Variants in PACSIN1 observed in about 807,000 individuals in gnomAD.
PACSIN1 encodes the protein protein kinase C and casein kinase substrate in neurons protein 1.
PACSIN1 carries 15 observed loss-of-function variants against 59.5 expected under a neutral mutation model. That is an observed-to-expected ratio of 0.25 (90% CI 0.17 to 0.39). The LOEUF (loss-of-function observed/expected upper bound fraction) is 0.39. Ranked by LOEUF, PACSIN1 falls within the 10% of genes least tolerant of loss-of-function variation. The pLI, the probability that PACSIN1 is intolerant of heterozygous loss-of-function variation, is 1.00. For missense variants in PACSIN1, 420 were observed against 580.2 expected, an observed-to-expected ratio of 0.72 and a Z score of 2.84; for synonymous variants, 210 against 220.6, an observed-to-expected ratio of 0.95 and a Z score of 0.42.
Position 34,532,537 on chromosome 6 carries a change from CCTCCCTCCATA to C in PACSIN1, c.*13_*23del. 6.7e-7 allele frequency: 1 copy of C among 1,488,566 alleles called. No individual in the cohort carries two copies. Among genetic ancestry groups the C allele is most frequent in the Non-Finnish European group, 9.0e-7 (1 of 1,106,562 alleles). The allele number at this position is 1,488,566 out of a possible 1,614,324, so 92.2% of individuals were successfully genotyped here. ...CTACGTGGAGGCTATCTAGAGGCCC[CCTCCCTCCATA>C]CTCCCGTCACTCCTCCCCACTGCCG... On this transcript the variant is annotated 3_prime_UTR_variant, in exon 10 of 10. Transcript: ENST00000244458. This position sits in a 1 kb window ranked among gnomAD's most constrained non-coding sequence, Gnocchi z 5.2.
chr6:34,515,870 G>A lies in PACSIN1; in HGVS notation c.-63-10373G>A, dbSNP rs924913971. Reference sequence around the variant, plus strand: ...AGCTCTTGGGCACTGCCACTGCGGAGGAGCCTCTGCCAGCTGCTCAGGAGG... The same window carrying A: ...AGCTCTTGGGCACTGCCACTGCGGAAGAGCCTCTGCCAGCTGCTCAGGAGG... On this transcript the variant is annotated intron_variant, in intron 1 of 9. Transcript: ENST00000244458. This position sits in a 1 kb window ranked among gnomAD's most constrained non-coding sequence, Gnocchi z 4.4. 3.9e-5 allele frequency among the ~76,000 whole-genome samples: 6 copies of A among 152,136 alleles called. No homozygotes were observed. The highest frequency in any genetic ancestry group is 7.4e-5 in the Non-Finnish European group (5 of 68,014).
At chr6:34,479,821 T>C (rs1766690091) in intron 1 of PACSIN1, among the ~76,000 whole-genome samples, 1 of 151,750 alleles carries the variant, frequency 6.6e-6, no homozygotes, top group Non-Finnish European at 1.5e-5. Context: ...TTATTTTTAA[T>C]TTTATTATTA....
intron 1 of PACSIN1, among the ~76,000 whole-genome samples, chr6:34,472,330 A>G (rs1023319395): frequency 6.6e-6 from 1 of 150,842 alleles, no homozygotes; most frequent in Non-Finnish European, 1.5e-5. Context: ...TTTTTAAAGT[A>G]CATGTACATA....
chr6:34,475,329 A>G (rs994466551), intron 1 of PACSIN1, among the ~76,000 whole-genome samples: 1 of 152,060 alleles, frequency 6.6e-6, no homozygotes, highest in Non-Finnish European at 1.5e-5. Flanking sequence ...AAAAAAACAC[A>G]TATTTGTGCC....
chr6:34,509,534 T>C (rs1561964819), intron 1 of PACSIN1, among the ~76,000 whole-genome samples: 1 of 152,198 alleles, frequency 6.6e-6, no homozygotes, highest in Non-Finnish European at 1.5e-5. Context: ...CTCAATATTT[T>C]TTGGCTATTT....
At chr6:34,528,919 G>A (rs772099763) in intron 4 of PACSIN1, 42 bp downstream of exon 4, 32 of 1,377,418 alleles carry the variant, frequency 2.3e-5, no homozygotes, top group African/African-American at 1.0e-4. Flanking sequence ...GGGTGGGCCC[G>A]TCTGATCAGA....
chr6:34,495,036 A>C (rs1277479848), intron 1 of PACSIN1, among the ~76,000 whole-genome samples: 1 of 152,156 alleles, frequency 6.6e-6, no homozygotes, highest in Non-Finnish European at 1.5e-5. Context: ...CTCTCTCAGA[A>C]GCACCTCTAT....
intron 1 of PACSIN1, among the ~76,000 whole-genome samples, chr6:34,471,955 C>G (rs567393993): frequency 6.6e-6 from 1 of 152,262 alleles, no homozygotes; most frequent in South Asian, 2.1e-4. Flanking sequence ...CTTGGGGACA[C>G]TGAGACAAGA....
chr6:34,510,606 C>G lies in PACSIN1; in HGVS notation c.-63-15637C>G, dbSNP rs185096612. Among the ~76,000 whole-genome samples, 93 of 152,328 alleles carry G rather than the reference C, an allele frequency of 6.1e-4. 1 individual carries two copies. Among genetic ancestry groups the G allele is most frequent in the East Asian group, 2.3e-3 (12 of 5,184 alleles). ...CAGAAACACTCTTCCTTCAAATCAT[C>G]ACATACCTCCCTTTCTCCCTCTTTT... On this transcript the variant is annotated intron_variant, in intron 1 of 9. Coordinates refer to ENST00000244458, the MANE Select transcript of PACSIN1 (RefSeq NM_020804.5).
At chr6:34,466,932 A>C (rs1581951845) in intron 1 of PACSIN1, among the ~76,000 whole-genome samples, 1 of 152,272 alleles carries the variant, frequency 6.6e-6, no homozygotes, top group Non-Finnish European at 1.5e-5. Flanking sequence ...GGCTATGAAA[A>C]GGTTAAAGGG....
At chr6:34,473,146 T>C (rs763496134) in intron 1 of PACSIN1, among the ~76,000 whole-genome samples, 6 of 146,360 alleles carry the variant, frequency 4.1e-5, no homozygotes, top group Non-Finnish European at 5.9e-5. Context: ...GGCAGGTGTG[T>C]TCTGGAAGAC....
chr6:34,471,122 A>G (rs1766566204), intron 1 of PACSIN1, among the ~76,000 whole-genome samples: 1 of 151,876 alleles, frequency 6.6e-6, no homozygotes, highest in African/African-American at 2.4e-5. Context: ...ATTTTTCTGT[A>G]TTTTTAGTAG....
At chr6:34,489,065 C>T (rs1010562726) in intron 1 of PACSIN1, among the ~76,000 whole-genome samples, 5 of 151,580 alleles carry the variant, frequency 3.3e-5, no homozygotes, top group African/African-American at 1.2e-4. Context: ...CCTGTAGTTC[C>T]AGCTACTTGG....
Position 34,488,681 on chromosome 6 carries a change from T to C in PACSIN1, c.-64+22411T>C, listed in dbSNP as rs1036834767. Among the ~76,000 whole-genome samples the C allele has an allele frequency of 1.3e-5, 2 of 152,160 alleles. No individual in the cohort carries two copies. The highest frequency in any genetic ancestry group is 6.5e-5 in the Admixed American group (1 of 15,278). On this transcript the variant is annotated intron_variant, in intron 1 of 9. Coordinates refer to ENST00000244458, the MANE Select transcript of PACSIN1 (RefSeq NM_020804.5). The surrounding 1 kb of genome is among the most constrained non-coding windows in gnomAD (Gnocchi z 4.7). ...TGTGTGCCATGTTCCAGAAGACAGCTCACCATCCTTGCAGGAGATCAGCTC... is the reference window on the plus strand; with the variant it reads ...TGTGTGCCATGTTCCAGAAGACAGCCCACCATCCTTGCAGGAGATCAGCTC...
At chr6:34,474,790 GAAA>G (rs60232588) in intron 1 of PACSIN1, among the ~76,000 whole-genome samples, 9 of 78,340 alleles carry the variant, frequency 1.1e-4, no homozygotes, top group South Asian at 5.5e-4. Flanking sequence ...CTCTGTCTCA[GAAA>G]AAAAAAAAAA....
At chr6:34,473,922 T>C (rs1254173660) in intron 1 of PACSIN1, among the ~76,000 whole-genome samples, 2 of 152,220 alleles carry the variant, frequency 1.3e-5, no homozygotes, top group African/African-American at 4.8e-5. Flanking sequence ...AATTCCTTTA[T>C]ATAGTCAAAT....
In PACSIN1 at chr6:34,526,283, G is replaced by T; in HGVS notation, c.-23G>T. On this transcript the variant is annotated 5_prime_UTR_variant, in exon 2 of 10. Transcript: ENST00000244458. ...GCCTGCTAACCGCAGCTCCGCACTT[G>T]TCCATCCCCCTGCGGCTACACCATG... is the stretch of plus-strand genomic sequence containing the variant. 3 of 1,608,930 alleles carry T rather than the reference G, an allele frequency of 1.9e-6. No individual in the cohort carries two copies. Among genetic ancestry groups the T allele is most frequent in the Non-Finnish European group, 1.7e-6 (2 of 1,178,080 alleles).
chr6:34,480,671 G>A (rs1054996000), intron 1 of PACSIN1, among the ~76,000 whole-genome samples: 1 of 152,144 alleles, frequency 6.6e-6, no homozygotes, highest in East Asian at 1.9e-4. Context: ...AAGATAAAAA[G>A]TACTTTAAAA....
chr6:34,499,862 T>G (rs531629316), intron 1 of PACSIN1, among the ~76,000 whole-genome samples: 2 of 151,928 alleles, frequency 1.3e-5, no homozygotes, highest in South Asian at 2.1e-4. Context: ...GGCAATAGTT[T>G]CTTGGATATA....
Sources: allele counts gnomAD v4.1 joint callset (sites outside exome capture counted in the v4.1 genomes callset), GRCh38; gene constraint gnomAD v4.1.1; non-coding constraint Gnocchi (gnomAD v3.1); transcripts MANE v1.5; gene names NCBI Gene and HGNC (gene_info 2026-07-23, HGNC 2026-07-21).